ANKS6: variants seen among roughly 807,000 people sequenced by gnomAD.
The protein encoded by ANKS6 is ankyrin repeat and sterile alpha motif domain containing 6, also known as ankyrin repeat and SAM domain-containing protein 6.
Under a neutral mutation model 77.9 loss-of-function variants are expected in ANKS6, and 47 were observed. The observed-to-expected ratio is 0.60, with a 90% CI of 0.48 to 0.77. The LOEUF is 0.77. Ranked by LOEUF, ANKS6 falls within the 30% of genes least tolerant of loss-of-function variation. The pLI is 0.00. For synonymous variants in ANKS6, 488 were observed against 501.7 expected, an observed-to-expected ratio of 0.97 and a Z score of 0.37; for missense variants, 1,150 against 1,159.1, an observed-to-expected ratio of 0.99 and a Z score of 0.11.
chr9:98,732,990 C>G lies in ANKS6; in HGVS notation c.*3529G>C, dbSNP rs538894477. On this transcript the variant is annotated 3_prime_UTR_variant, in exon 15 of 15. Coordinates refer to ENST00000353234, the MANE Select transcript of ANKS6 (RefSeq NM_173551.5). ...CCCACTCCATCTCTCTCCTCTGGGG[C>G]GTGCCCAGGCTGAGCCTGAGCCATC... 5 of 987,486 alleles carry G rather than the reference C, an allele frequency of 5.1e-6. No individual in the cohort carries two copies. The highest frequency in any genetic ancestry group is 6.1e-6 in the Non-Finnish European group (5 of 821,580). 61.2% of individuals were successfully genotyped at this position (987,486 alleles called of 1,614,324 possible).
chr9:98,765,741 G>T lies in ANKS6; in HGVS notation c.2142+2340C>A, dbSNP rs372650247. On this transcript the variant is annotated intron_variant, in intron 11 of 14. Coordinates refer to ENST00000353234, the MANE Select transcript of ANKS6 (RefSeq NM_173551.5). ...TGGTGCACACTCTAACGCCACCTAT[G>T]CTGTGTCTCTTGGAACTCATATCAC... Among the ~76,000 whole-genome samples, 10 of 152,158 alleles carry T rather than the reference G, an allele frequency of 6.6e-5. 1 individual carries two copies. The highest frequency in any genetic ancestry group is 5.9e-4 in the Admixed American group (9 of 15,278).
At chr9:98,787,371 CCTT>C (rs1381972805) in intron 2 of ANKS6, among the ~76,000 whole-genome samples, 10 of 141,092 alleles carry the variant, frequency 7.1e-5, no homozygotes, top group Non-Finnish European at 1.4e-4. Flanking sequence ...TTTACACTGC[CCTT>C]TTTTTTTTTT....
rs759671966 is a variant in ANKS6 at position 98,790,532 on chromosome 9, G to A, written c.434C>T (p.Ala145Val). Residue 145 changes from alanine (A) to valine (V), a missense_variant, in exon 2 of 15, where the codon GCC (alanine) becomes GTC (valine). Ala to Val is a moderately conservative substitution (Grantham distance 64). Transcript: ENST00000353234. Reference protein sequence around the residue: ...ADVNAQNRLGASVLTVASRGG... With the variant: ...ADVNAQNRLGVSVLTVASRGG... ...CCGAGAAGCCACAGTGAGCACACTG[G>A]CCCCCAGCCGGTTCTGGGCATTGAC... The A allele has an allele frequency of 1.2e-6, 2 of 1,613,296 alleles. No individual in the cohort carries two copies. Among genetic ancestry groups the A allele is most frequent in the Non-Finnish European group, 1.7e-6 (2 of 1,179,752 alleles).
chr9:98,779,672 C>CTT (rs71369576), intron 6 of ANKS6, among the ~76,000 whole-genome samples: 2 of 150,934 alleles, frequency 1.3e-5, no homozygotes, highest in Non-Finnish European at 3.0e-5. Context: ...AAGCTTTTTT[C>CTT]TTTTTTTTTG....
chr9:98,755,434 A>T (rs1832648414), intron 12 of ANKS6, among the ~76,000 whole-genome samples: 1 of 151,928 alleles, frequency 6.6e-6, no homozygotes, highest in Non-Finnish European at 1.5e-5. Context: ...TCCTTTCTTC[A>T]TCTGCCTTTA....
intron 9 of ANKS6, among the ~76,000 whole-genome samples, chr9:98,771,593 G>A (rs758559638): frequency 6.6e-6 from 1 of 152,124 alleles, no homozygotes; most frequent in Non-Finnish European, 1.5e-5. Flanking sequence ...CCTCTGCTTC[G>A]CTTGCTCTGC....
In ANKS6 at chr9:98,790,417, G is replaced by T; in HGVS notation, c.549C>A (p.Gly183=). ...TGTCCAAGGGCTCATCCCTGCTGCC[G>T]CCCAACCCCAGTTGCTCGCCTGAAG... ...HHPSGEQLGL[G]GSRDEPLDIT... is the part of the protein sequence containing the mutation. The change falls in exon 2 of 15, where the codon GGC becomes GGA. Residue 183 remains glycine, a synonymous_variant. Coordinates refer to ENST00000353234, the MANE Select transcript of ANKS6 (RefSeq NM_173551.5). The T allele has an allele frequency of 1.2e-6, 2 of 1,613,708 alleles. No individual in the cohort carries two copies. The highest frequency in any genetic ancestry group is 1.7e-6 in the Non-Finnish European group (2 of 1,179,992).
intron 11 of ANKS6, 112 bp downstream of exon 11, chr9:98,767,969 C>A: frequency 7.2e-7 from 1 of 1,389,740 alleles, no homozygotes; most frequent in Non-Finnish European, 9.6e-7. Context: ...TGGAAGGGGC[C>A]TGTCTTTAGT....
intron 11 of ANKS6, among the ~76,000 whole-genome samples, chr9:98,764,092 A>G (rs1412790038): frequency 6.6e-6 from 1 of 152,178 alleles, no homozygotes; most frequent in Non-Finnish European, 1.5e-5. Flanking sequence ...AGAAAACTAG[A>G]AGAGGAGACA....
chr9:98,732,468 T>C lies in ANKS6; in HGVS notation c.*4051A>G, dbSNP rs1831252012. ...GTCCATCGGCCACTCCTCACTTCTG[T>C]GGGCTCCGATGCCAGCAGAGCCACC... On this transcript the variant is annotated 3_prime_UTR_variant, in exon 15 of 15. Coordinates refer to ENST00000353234, the MANE Select transcript of ANKS6 (RefSeq NM_173551.5). 1 of 1,548,732 alleles carries C rather than the reference T, an allele frequency of 6.5e-7. No individual in the cohort carries two copies. Among genetic ancestry groups the C allele is most frequent in the East Asian group, 2.4e-5 (1 of 40,906 alleles).
intron 10 of ANKS6, among the ~76,000 whole-genome samples, chr9:98,770,042 G>A (rs1833537044): frequency 6.6e-6 from 1 of 152,156 alleles, no homozygotes; most frequent in Non-Finnish European, 1.5e-5. Context: ...TGGTTTGGCT[G>A]TGTCCCCACC....
chr9:98,774,018 T>C lies in ANKS6; in HGVS notation c.1680A>G (p.Pro560=), dbSNP rs181786617. ...GCTCAAAACTGGAAGGGGGTAGGAATGGGGGGATGACTGCTTTCAGCTTGT... is the reference window on the plus strand; with the variant it reads ...GCTCAAAACTGGAAGGGGGTAGGAACGGGGGGATGACTGCTTTCAGCTTGT... ...PSDKLKAVIP[P]FLPPSSFELW... Residue 560 remains proline, a synonymous_variant, in exon 9 of 15, where the codon CCA becomes CCG. Coordinates refer to ENST00000353234, the MANE Select transcript of ANKS6 (RefSeq NM_173551.5). 117 of 1,463,116 alleles carry C rather than the reference T, an allele frequency of 8.0e-5. 1 individual carries two copies. The East Asian group carries it at 2.4e-3, about 30-fold the overall frequency. The allele number at this position is 1,463,116 out of a possible 1,614,324, so 90.6% of individuals were successfully genotyped here. A position where few individuals can be genotyped will look rare whatever the true frequency, so the allele number is the denominator to read the frequency against.
At chr9:98,749,138 A>T (rs1832296047) in intron 13 of ANKS6, among the ~76,000 whole-genome samples, 1 of 152,208 alleles carries the variant, frequency 6.6e-6, no homozygotes, top group Admixed American at 6.5e-5. Context: ...TAACCAGCTC[A>T]TATGTTGCCA....
At position 98,790,282 on chromosome 9, in the gene ANKS6, C is replaced by T. The variant is rs768121801; in HGVS notation, c.684G>A (p.Pro228=). The change falls in exon 2 of 15, where the codon CCG becomes CCA. Residue 228 remains proline, a synonymous_variant. Coordinates refer to ENST00000353234, the MANE Select transcript of ANKS6 (RefSeq NM_173551.5). ...NHAARTVGWS[P]LMLAALTGRL... Reference sequence around the variant, plus strand: ...GCCCAGTGAGTGCGGCCAGCATCAGCGGGCTCCAGCCCACGGTCCGGGCTG... The same window carrying T: ...GCCCAGTGAGTGCGGCCAGCATCAGTGGGCTCCAGCCCACGGTCCGGGCTG... The T allele has an allele frequency of 4.1e-5, 65 of 1,603,306 alleles. No individual in the cohort carries two copies. In the African/African-American group the frequency reaches 4.8e-4, roughly 12 times the overall value.
chr9:98,734,877 T>C lies in ANKS6; in HGVS notation c.*1642A>G. ...GCTAAATGAAACACTTTGTCTTCAGTCCTGTGGAAAGTTGGCTTCTGTGAG... is the reference window on the plus strand; with the variant it reads ...GCTAAATGAAACACTTTGTCTTCAGCCCTGTGGAAAGTTGGCTTCTGTGAG... On this transcript the variant is annotated 3_prime_UTR_variant, in exon 15 of 15. Coordinates refer to ENST00000353234, the MANE Select transcript of ANKS6 (RefSeq NM_173551.5). 1 of 985,470 alleles carries C rather than the reference T, an allele frequency of 1.0e-6. No homozygotes were observed. The highest frequency in any genetic ancestry group is 1.2e-6 in the Non-Finnish European group (1 of 829,958). 61.0% of individuals were successfully genotyped at this position (985,470 alleles called of 1,614,324 possible).
chr9:98,748,701 G>A (rs989573918), intron 13 of ANKS6, among the ~76,000 whole-genome samples: 3 of 152,140 alleles, frequency 2.0e-5, no homozygotes, highest in Admixed American at 1.3e-4. Context: ...AGAGCTAGAA[G>A]GAGCCTAGAT....
At chr9:98,784,774 T>C in intron 3 of ANKS6, 58 bp downstream of exon 3, 7 of 1,477,102 alleles carry the variant, frequency 4.7e-6, no homozygotes, top group Non-Finnish European at 6.6e-6. Context: ...AAATATTAGG[T>C]TGGGAGAATG....
At chr9:98,768,277 C>A (rs1362747350) in intron 10 of ANKS6, 27 bp from the exon 11 acceptor site, 2 of 1,612,786 alleles carry the variant, frequency 1.2e-6, no homozygotes, top group African/African-American at 2.7e-5. Context: ...TGAGTGAACA[C>A]CATGGGCACA....
At chr9:98,736,652 A>G (rs1831518082) in intron 14 of ANKS6, 29 bp from the exon 15 acceptor site, 1 of 1,572,832 alleles carries the variant, frequency 6.4e-7, no homozygotes, top group South Asian at 1.2e-5. Context: ...ACAGACACAG[A>G]AAGTCTTATT....
Sources: allele counts gnomAD v4.1 joint callset (sites outside exome capture counted in the v4.1 genomes callset), GRCh38; gene constraint gnomAD v4.1.1; transcripts MANE v1.5; gene names NCBI Gene and HGNC (gene_info 2026-07-23, HGNC 2026-07-21).